The following MAP4K3 variants were observed in gnomAD, a reference collection of about 807,000 sequenced individuals.
The protein encoded by MAP4K3 is MAPK/ERK kinase kinase kinase 3.
MAP4K3 carries 94 observed loss-of-function variants against 143.5 expected under a neutral mutation model. The observed-to-expected ratio is 0.65, with a 90% CI of 0.55 to 0.78. The LOEUF is 0.78. MAP4K3 is among the 30% of genes least tolerant of loss of function. The pLI is 0.00. For missense variants in MAP4K3, 1,077 were observed against 1,068.1 expected (o/e 1.01, Z -0.12); for synonymous variants, 416 against 347.2 (o/e 1.20, Z -2.20).
At chr2:39,335,903 A>C (rs1360731662) in intron 6 of MAP4K3, among the ~76,000 whole-genome samples, 2 of 152,218 alleles carry the variant, frequency 1.3e-5, no homozygotes, top group Admixed American at 1.3e-4. Flanking sequence ...AACCCAGAGG[A>C]CAGTAAGATT....
At chr2:39,346,394 C>T (rs1354028558) in intron 3 of MAP4K3, among the ~76,000 whole-genome samples, 4 of 152,074 alleles carry the variant, frequency 2.6e-5, no homozygotes, top group Non-Finnish European at 5.9e-5. Context: ...AAGCATAGGA[C>T]TTTTTTCTTA....
intron 12 of MAP4K3, among the ~76,000 whole-genome samples, chr2:39,324,416 AAAAAC>A (rs1403151051): frequency 6.6e-6 from 1 of 152,066 alleles, no homozygotes; most frequent in Admixed American, 6.6e-5. Flanking sequence ...AAAAAAAAAC[AAAAAC>A]AAAACAAAAA....
At chr2:39,400,384 G>A (rs1235900706) in intron 1 of MAP4K3, among the ~76,000 whole-genome samples, 1 of 152,152 alleles carries the variant, frequency 6.6e-6, no homozygotes, top group Non-Finnish European at 1.5e-5. Flanking sequence ...AAATTAGTAG[G>A]TATGCTCTTT....
intron 1 of MAP4K3, among the ~76,000 whole-genome samples, chr2:39,427,852 T>C (rs1558352471): frequency 6.6e-6 from 1 of 152,248 alleles, no homozygotes; most frequent in East Asian, 1.9e-4. Flanking sequence ...ATCTGTATCT[T>C]ATATATGTGA....
At chr2:39,312,021 T>C (rs1682955751) in intron 13 of MAP4K3, among the ~76,000 whole-genome samples, 1 of 152,136 alleles carries the variant, frequency 6.6e-6, no homozygotes, top group Admixed American at 6.5e-5. Flanking sequence ...AAATTAATAT[T>C]GACCATGGTT....
chr2:39,263,250 G>C lies in MAP4K3; in HGVS notation c.2136+1953C>G, dbSNP rs144370103. Among the ~76,000 whole-genome samples, 282 of 151,766 alleles carry C rather than the reference G, an allele frequency of 1.9e-3. 2 individuals are homozygous for C. The highest frequency in any genetic ancestry group is 6.6e-3 in the African/African-American group (273 of 41,420). ...ACTGATAGAAATAATGTTAAATATG[G>C]AGACAAAATATACATATAGAAGTTT... On this transcript the variant is annotated intron_variant, in intron 28 of 33. Transcript: ENST00000263881.
chr2:39,413,256 G>A (rs934062759), intron 1 of MAP4K3, among the ~76,000 whole-genome samples: 2 of 152,220 alleles, frequency 1.3e-5, no homozygotes, highest in Admixed American at 6.5e-5. Context: ...AACTGAAGAG[G>A]ATTTAAGCAA....
intron 1 of MAP4K3, among the ~76,000 whole-genome samples, chr2:39,383,745 A>G (rs1240249651): frequency 6.6e-6 from 1 of 152,174 alleles, no homozygotes; most frequent in Non-Finnish European, 1.5e-5. Flanking sequence ...ACATGAAAAT[A>G]GGAAACAGGG....
At chr2:39,364,089 A>G (rs528950073) in intron 2 of MAP4K3, among the ~76,000 whole-genome samples, 90 of 152,216 alleles carry the variant, frequency 5.9e-4, no homozygotes, top group African/African-American at 2.0e-3. Flanking sequence ...TGTAGCCACT[A>G]TGGAAAACAG....
At chr2:39,407,165 A>G (rs1667119079) in intron 1 of MAP4K3, among the ~76,000 whole-genome samples, 1 of 152,182 alleles carries the variant, frequency 6.6e-6, no homozygotes. Flanking sequence ...AATAAAATCT[A>G]AAATCTGTTC....
At chr2:39,421,227 G>A (rs1284537294) in intron 1 of MAP4K3, among the ~76,000 whole-genome samples, 1 of 152,104 alleles carries the variant, frequency 6.6e-6, no homozygotes, top group East Asian at 1.9e-4. Flanking sequence ...CCTGGAGACA[G>A]TTTCTCAAGA....
chr2:39,270,995 C>G (rs1345047614), intron 26 of MAP4K3, among the ~76,000 whole-genome samples: 2 of 151,604 alleles, frequency 1.3e-5, no homozygotes, highest in African/African-American at 4.8e-5. Flanking sequence ...TAATAAAATT[C>G]CTGAAATAAT....
At chr2:39,261,716 TTATA>T (rs927035033) in intron 28 of MAP4K3, among the ~76,000 whole-genome samples, 1 of 152,032 alleles carries the variant, frequency 6.6e-6, no homozygotes, top group African/African-American at 2.4e-5. Context: ...AAATAAAAAA[TTATA>T]TATAGACAAC....
chr2:39,394,162 G>A (rs998261532), intron 1 of MAP4K3, among the ~76,000 whole-genome samples: 1 of 152,124 alleles, frequency 6.6e-6, no homozygotes, highest in African/African-American at 2.4e-5. Context: ...ACGAGAGAAT[G>A]GCCAATATGA....
intron 26 of MAP4K3, 176 bp downstream of exon 26, chr2:39,272,107 T>A (rs553504577): frequency 6.3e-5 from 29 of 459,590 alleles, no homozygotes; most frequent in African/African-American, 5.8e-4. Context: ...AAGTACAAAG[T>A]AGAAAAATTT....
intron 2 of MAP4K3, among the ~76,000 whole-genome samples, chr2:39,368,195 C>A (rs1044281882): frequency 2.0e-5 from 3 of 152,052 alleles, no homozygotes; most frequent in Admixed American, 2.0e-4. Context: ...ATGGCAGCAA[C>A]CCTACAGTTT....
At chr2:39,389,664 T>C (rs1473447877) in intron 1 of MAP4K3, among the ~76,000 whole-genome samples, 1 of 152,200 alleles carries the variant, frequency 6.6e-6, no homozygotes, top group East Asian at 1.9e-4. Flanking sequence ...TCTAGAATTA[T>C]ATTCTCAGGT....
In MAP4K3 at chr2:39,309,355, T is replaced by C. The variant is rs962714562; in HGVS notation, c.1056+106A>G. On this transcript the variant is annotated intron_variant, in intron 14 of 33. Transcript: ENST00000263881. ...GACCAGGCTGGGACCTCGAATGTTT[T>C]TGAAAATATTAATGACTAGCTTTTT... 2.5e-5 allele frequency: 20 copies of C among 815,984 alleles called. No individual in the cohort carries two copies. The African/African-American group carries it at 2.5e-4, about 10-fold the overall frequency. The allele number at this position is 815,984 out of a possible 1,614,324, so 50.5% of individuals were successfully genotyped here.
intron 2 of MAP4K3, among the ~76,000 whole-genome samples, chr2:39,368,644 G>A (rs1257638930): frequency 1.3e-5 from 2 of 151,924 alleles, no homozygotes; most frequent in Admixed American, 6.6e-5. Context: ...ACTCCAGCCT[G>A]GGTGACAGGG....
Sources: allele counts gnomAD v4.1 joint callset (sites outside exome capture counted in the v4.1 genomes callset), GRCh38; gene constraint gnomAD v4.1.1; transcripts MANE v1.5; gene names NCBI Gene and HGNC (gene_info 2026-07-23, HGNC 2026-07-21).